Variants in PAPSS2 observed in about 807,000 individuals in gnomAD.
The protein encoded by PAPSS2 is bifunctional 3'-phosphoadenosine 5'-phosphosulfate synthase 2.
In PAPSS2, 61 loss-of-function variants were observed where a neutral mutation model predicts 66.5. The ratio of observed to expected loss-of-function variants is 0.92; its 90% CI spans 0.75 to 1.14. The LOEUF (loss-of-function observed/expected upper bound fraction) is 1.14. PAPSS2 is among the 50% of genes most tolerant of loss of function. PAPSS2 has a pLI of 0.00. For missense variants in PAPSS2, 708 were observed against 789.6 expected, an observed-to-expected ratio of 0.90 and a Z score of 1.24; for synonymous variants, 289 against 287.5, an observed-to-expected ratio of 1.01 and a Z score of -0.05.
intron 1 of PAPSS2, among the ~76,000 whole-genome samples, chr10:87,661,549 T>A (rs1852752453): frequency 6.6e-6 from 1 of 152,134 alleles, no homozygotes; most frequent in African/African-American, 2.4e-5. Flanking sequence ...CATCAAGAAT[T>A]CCTTCTCAGT....
intron 1 of PAPSS2, among the ~76,000 whole-genome samples, chr10:87,670,091 T>C (rs1852857693): frequency 6.6e-6 from 1 of 152,258 alleles, no homozygotes; most frequent in South Asian, 2.1e-4. Context: ...CACGCATTTC[T>C]TTCTTTATGG....
chr10:87,743,258 A>T, intron 10 of PAPSS2, 115 bp from the exon 11 acceptor site: 6 of 1,107,522 alleles, frequency 5.4e-6, no homozygotes, highest in Non-Finnish European at 8.0e-6. Flanking sequence ...AAAAAAAAAA[A>T]GCCAGTGGAT....
chr10:87,678,929 A>G (rs1852983011), intron 1 of PAPSS2, among the ~76,000 whole-genome samples: 1 of 152,226 alleles, frequency 6.6e-6, no homozygotes, highest in African/African-American at 2.4e-5. Context: ...CACTACGGGT[A>G]TCTATTCAAA....
chr10:87,722,616 A>G (rs1332016721), intron 8 of PAPSS2, among the ~76,000 whole-genome samples: 3 of 152,222 alleles, frequency 2.0e-5, no homozygotes, highest in African/African-American at 4.8e-5. Context: ...ATATACCACA[A>G]TAAAATAATC....
chr10:87,691,833 G>A (rs1441147528), intron 1 of PAPSS2, among the ~76,000 whole-genome samples: 2 of 152,168 alleles, frequency 1.3e-5, no homozygotes, highest in Non-Finnish European at 2.9e-5. Flanking sequence ...GTGCACACCT[G>A]TAGTCACAGC....
At chr10:87,729,297 G>C (rs1223364738) in intron 9 of PAPSS2, among the ~76,000 whole-genome samples, 1 of 151,050 alleles carries the variant, frequency 6.6e-6, no homozygotes, top group East Asian at 1.9e-4. Flanking sequence ...GTCTGTGAGT[G>C]CCATTTTCCC....
At chr10:87,719,319 G>C (rs974558799) in intron 7 of PAPSS2, among the ~76,000 whole-genome samples, 1 of 151,968 alleles carries the variant, frequency 6.6e-6, no homozygotes, top group Non-Finnish European at 1.5e-5. Context: ...AAACTCTCTG[G>C]GCTTTGTTCC....
chr10:87,740,322 C>A (rs1348566187), intron 9 of PAPSS2, among the ~76,000 whole-genome samples: 1 of 147,890 alleles, frequency 6.8e-6, no homozygotes, highest in Non-Finnish European at 1.5e-5. Context: ...GATATTAACA[C>A]ATGTGTGTGT....
At chr10:87,728,506 G>A (rs1300760025) in intron 9 of PAPSS2, among the ~76,000 whole-genome samples, 1 of 152,160 alleles carries the variant, frequency 6.6e-6, no homozygotes, top group Admixed American at 6.5e-5. Context: ...TTGGGAGGCC[G>A]AGGCCAGCAG....
chr10:87,672,368 G>A (rs1012827080), intron 1 of PAPSS2, among the ~76,000 whole-genome samples: 3 of 152,292 alleles, frequency 2.0e-5, no homozygotes, highest in African/African-American at 4.8e-5. Flanking sequence ...ATGATGTAAC[G>A]TGAACTAAGT....
chr10:87,743,291 C>A, intron 10 of PAPSS2, 82 bp from the exon 11 acceptor site: 56 of 1,201,922 alleles, frequency 4.7e-5, no homozygotes, highest in Non-Finnish European at 6.5e-5. Flanking sequence ...GAACAATAAA[C>A]ATAGCTGTGT....
chr10:87,715,152 T>C, intron 6 of PAPSS2, 54 bp downstream of exon 6: 1 of 889,706 alleles, frequency 1.1e-6, no homozygotes, highest in South Asian at 1.3e-5. Flanking sequence ...TCATTATAAT[T>C]TATTTACAAT....
In PAPSS2 at chr10:87,659,977, C is replaced by A; in HGVS notation, c.-5C>A. 1 of 1,613,156 alleles carries A rather than the reference C, an allele frequency of 6.2e-7. No individual in the cohort carries two copies. Among genetic ancestry groups the A allele is most frequent in the South Asian group, 1.1e-5 (1 of 90,966 alleles). ...GGGACCCGGGCTCCGCCGCAGCCAG[C>A]CAGCATGTCGGGGATCAAGAAGCAA... On this transcript the variant is annotated 5_prime_UTR_variant, in exon 1 of 13. Transcript: ENST00000456849.
At chr10:87,704,142 T>C in intron 1 of PAPSS2, 1 of 416,892 alleles carries the variant, frequency 2.4e-6, no homozygotes, top group Non-Finnish European at 4.7e-6. Flanking sequence ...GATTTTGAAA[T>C]AAATAGGAAT....
intron 1 of PAPSS2, among the ~76,000 whole-genome samples, chr10:87,699,655 T>G (rs1423547326): frequency 6.6e-6 from 1 of 152,016 alleles, no homozygotes; most frequent in South Asian, 2.1e-4. Context: ...AGTGAGACCA[T>G]CCTGGCCAAC....
intron 9 of PAPSS2, among the ~76,000 whole-genome samples, chr10:87,728,510 CCAG>C (rs1451274897): frequency 6.6e-6 from 1 of 152,142 alleles, no homozygotes; most frequent in East Asian, 1.9e-4. Flanking sequence ...GAGGCCGAGG[CCAG>C]CAGATCACCT....
intron 8 of PAPSS2, among the ~76,000 whole-genome samples, chr10:87,724,865 C>T (rs766264788): frequency 1.3e-5 from 2 of 151,172 alleles, no homozygotes; most frequent in Non-Finnish European, 2.9e-5. Context: ...CACACACACA[C>T]ACACACATAC....
intron 1 of PAPSS2, among the ~76,000 whole-genome samples, chr10:87,704,638 T>TTTTG (rs530645119): frequency 6.6e-6 from 1 of 152,182 alleles, no homozygotes; most frequent in African/African-American, 2.4e-5. Flanking sequence ...GCTTACTTTT[T>TTTTG]TTTGTTTGTT....
chr10:87,664,387 A>G (rs1392441698), intron 1 of PAPSS2, among the ~76,000 whole-genome samples: 2 of 152,216 alleles, frequency 1.3e-5, no homozygotes, highest in Non-Finnish European at 2.9e-5. Flanking sequence ...TAATCCATGC[A>G]TAGAGTAAAT....
Sources: allele counts gnomAD v4.1 joint callset (sites outside exome capture counted in the v4.1 genomes callset), GRCh38; gene constraint gnomAD v4.1.1; transcripts MANE v1.5; gene names NCBI Gene and HGNC (gene_info 2026-07-23, HGNC 2026-07-21).